Variants in GALNT14 observed in about 807,000 individuals in gnomAD.
GALNT14 encodes the protein UDP-GalNAc:polypeptide N-acetylgalactosaminyltransferase 14.
A neutral mutation model predicts 77.5 loss-of-function variants in GALNT14; 60 were observed. The observed-to-expected ratio is 0.77, with a 90% CI of 0.63 to 0.96. GALNT14 has a LOEUF of 0.96. Among genes scored for constraint, GALNT14 ranks in the 40% least tolerant of loss-of-function variants. The pLI, the probability that GALNT14 is intolerant of heterozygous loss-of-function variation, is 0.00. For missense variants in GALNT14, 710 were observed against 731.0 expected, an observed-to-expected ratio of 0.97 and a Z score of 0.33; for synonymous variants, 280 against 281.7, an observed-to-expected ratio of 0.99 and a Z score of 0.06.
chr2:31,040,168 T>C (rs1673015351), intron 1 of GALNT14, among the ~76,000 whole-genome samples: 1 of 152,218 alleles, frequency 6.6e-6, no homozygotes, highest in Non-Finnish European at 1.5e-5. Flanking sequence ...AATCACCTTA[T>C]TGAGATACAT....
chr2:30,979,013 G>A (rs938817325), intron 2 of GALNT14, among the ~76,000 whole-genome samples: 1 of 152,258 alleles, frequency 6.6e-6, no homozygotes, highest in Non-Finnish European at 1.5e-5. Context: ...AAGCAGCAAT[G>A]ATGAGGCCTG....
chr2:30,890,157 C>T, the GALNT14 span, among the ~76,000 whole-genome samples: 2 of 152,180 alleles, frequency 1.3e-5, no homozygotes, highest in East Asian at 1.9e-4. Flanking sequence ...AAGGAGGAGC[C>T]CGGTGGTCTA....
chr2:30,904,962 A>C, the GALNT14 span, among the ~76,000 whole-genome samples: 4 of 152,004 alleles, frequency 2.6e-5, no homozygotes, highest in African/African-American at 7.2e-5. Flanking sequence ...CTGACACCTC[A>C]CACGGCAGGG....
chr2:30,887,908 C>A, the GALNT14 span, among the ~76,000 whole-genome samples: 1 of 152,190 alleles, frequency 6.6e-6, no homozygotes, highest in Non-Finnish European at 1.5e-5. Flanking sequence ...GGTTTTCTAA[C>A]TTACTCATGA....
chr2:31,009,914 C>T (rs764547073), intron 1 of GALNT14, among the ~76,000 whole-genome samples: 32 of 152,296 alleles, frequency 2.1e-4, no homozygotes, highest in South Asian at 8.3e-4. Flanking sequence ...TACAACCATA[C>T]CCAACCACCA....
chr2:30,942,133 G>T, intron 9 of GALNT14, 68 bp downstream of exon 9: 2 of 1,143,894 alleles, frequency 1.7e-6, no homozygotes, highest in Non-Finnish European at 1.3e-6. Flanking sequence ...CAAAACCACA[G>T]AGGTCCCCGC....
intron 1 of GALNT14, among the ~76,000 whole-genome samples, chr2:31,102,978 T>C (rs1677354498): frequency 6.6e-6 from 1 of 152,190 alleles, no homozygotes; most frequent in Non-Finnish European, 1.5e-5. Context: ...CTGGTGTTCC[T>C]TCACTCATCC....
chr2:31,125,007 C>T (rs1678632752), intron 1 of GALNT14: 1 of 616,744 alleles, frequency 1.6e-6, no homozygotes. Flanking sequence ...ATGGCCAGAG[C>T]CTCCTGCTGG....
rs1217638006 is a variant in GALNT14, at chr2:30,954,601, T to C, written c.654+1017A>G. On this transcript the variant is annotated intron_variant, in intron 6 of 14. Coordinates refer to ENST00000349752, the MANE Select transcript of GALNT14 (RefSeq NM_024572.4). ...TTGTAAACCCACTGAGGTTATCTCA[T>C]TGGAATGAACAATGTTGGGAAGGAT... 3.3e-5 allele frequency among the ~76,000 whole-genome samples: 5 copies of C among 152,360 alleles called. No individual in the cohort carries two copies. In the East Asian group the frequency reaches 9.6e-4, roughly 29 times the overall value.
At chr2:30,999,650 G>C (rs975647054) in intron 1 of GALNT14, among the ~76,000 whole-genome samples, 1 of 152,162 alleles carries the variant, frequency 6.6e-6, no homozygotes, top group Admixed American at 6.5e-5. Flanking sequence ...TTATATCAAC[G>C]TCTCATGGAC....
intron 1 of GALNT14, among the ~76,000 whole-genome samples, chr2:31,076,143 G>C (rs1675766793): frequency 6.6e-6 from 1 of 152,148 alleles, no homozygotes; most frequent in African/African-American, 2.4e-5. Flanking sequence ...TAGGAAGGAG[G>C]CCAGGACATG....
intron 1 of GALNT14, among the ~76,000 whole-genome samples, chr2:31,007,498 C>T (rs1255134097): frequency 2.0e-5 from 3 of 152,320 alleles, no homozygotes; most frequent in South Asian, 2.1e-4. Flanking sequence ...ATCCCTTCTG[C>T]AGGTCCATCC....
At chr2:30,888,732 A>G in the GALNT14 span, among the ~76,000 whole-genome samples, 66 of 152,240 alleles carry the variant, frequency 4.3e-4, no homozygotes, top group African/African-American at 1.6e-3. Flanking sequence ...ACAAGGAAAG[A>G]AGGAGAAGAG....
chr2:30,906,400 G>A (rs1274786084), downstream of GALNT14, among the ~76,000 whole-genome samples: 1 of 148,656 alleles, frequency 6.7e-6, no homozygotes. Context: ...AAAGGCAGGG[G>A]TTGCAATCCT....
the GALNT14 span, among the ~76,000 whole-genome samples, chr2:30,886,981 GAATGGAATCATAC>G: frequency 6.6e-6 from 1 of 152,340 alleles, no homozygotes; most frequent in African/African-American, 2.4e-5. Flanking sequence ...TATTTCATAT[GAATGGAATCATAC>G]AATATGAGAC....
In GALNT14 at chr2:30,996,889, T is replaced by C. The variant is rs950912659; in HGVS notation, c.130-3882A>G. ...AGGGGGAACAGCCCATACTGGGAGC[T>C]GGGCTTTTCTACATCAATATCTGAA... On this transcript the variant is annotated intron_variant, in intron 1 of 14. Transcript: ENST00000349752. Among the ~76,000 whole-genome samples the C allele has an allele frequency of 8.6e-4, 131 of 152,228 alleles. 1 individual carries two copies. Among genetic ancestry groups the C allele is most frequent in the African/African-American group, 3.1e-3 (130 of 41,446 alleles).
At chr2:30,967,834 T>C (rs1668105461) in intron 2 of GALNT14, among the ~76,000 whole-genome samples, 2 of 152,206 alleles carry the variant, frequency 1.3e-5, no homozygotes, top group African/African-American at 4.8e-5. Flanking sequence ...GTTCCTGATG[T>C]ATGAAGTCCA....
In GALNT14 at chr2:31,082,338, G is replaced by A. The variant is rs1208006683; in HGVS notation, c.129+55620C>T. On this transcript the variant is annotated intron_variant, in intron 1 of 14. Coordinates refer to ENST00000349752, the MANE Select transcript of GALNT14 (RefSeq NM_024572.4). ...CCAAGTCTCCACAAACAGTTCAAGT[G>A]CAACTCTTGTCTCTTGCAGAATTCT... Among the ~76,000 whole-genome samples, 3 of 152,258 alleles carry A rather than the reference G, an allele frequency of 2.0e-5. No homozygotes were observed. The East Asian group carries it at 5.8e-4, about 29-fold the overall frequency.
intron 1 of GALNT14, among the ~76,000 whole-genome samples, chr2:31,084,155 T>C (rs1270168805): frequency 6.6e-6 from 1 of 152,182 alleles, no homozygotes; most frequent in East Asian, 1.9e-4. Context: ...GTGGGATACT[T>C]CCTCCAATTT....
Sources: gnomAD v4.1 joint callset for allele counts (sites outside exome capture counted in the v4.1 genomes callset) on GRCh38, gnomAD v4.1.1 for gene constraint, MANE v1.5 for transcripts, NCBI Gene and HGNC (gene_info 2026-07-23, HGNC 2026-07-21) for gene names.